The following PTPRF variants were observed in gnomAD, a reference collection of about 807,000 sequenced individuals.
PTPRF encodes the protein receptor-type tyrosine-protein phosphatase F.
PTPRF carries 59 observed loss-of-function variants against 201.8 expected under a neutral mutation model. That is an observed-to-expected ratio of 0.29 (90% CI 0.24 to 0.36). The LOEUF is 0.36. PTPRF is among the 10% of genes least tolerant of loss of function. PTPRF has a pLI of 1.00. For synonymous variants in PTPRF, 1,088 were observed against 1,089.7 expected, an observed-to-expected ratio of 1.00 and a Z score of 0.03; for missense variants, 2,132 against 2,690.5, an observed-to-expected ratio of 0.79 and a Z score of 4.59.
chr1:43,558,537 C>G (rs952156174), intron 5 of PTPRF, among the ~76,000 whole-genome samples: 2 of 152,186 alleles, frequency 1.3e-5, no homozygotes, highest in Non-Finnish European at 2.9e-5. Context: ...GTGAGCCTGT[C>G]CTGGCTGTGA....
In PTPRF at chr1:43,542,183, G is replaced by A. The variant is rs1177573877; in HGVS notation, c.-45-2848G>A. 6.6e-6 allele frequency among the ~76,000 whole-genome samples: 1 copy of A among 152,188 alleles called. No homozygotes were observed. The highest frequency in any genetic ancestry group is 6.5e-5 in the Admixed American group (1 of 15,284). ...CTGCTCTGATGAGGGAGGCCCTGGA[G>A]CTGGGAGTGGCCTGAACCGCCTGAC... On this transcript the variant is annotated intron_variant, in intron 2 of 33. Transcript: ENST00000359947. The surrounding 1 kb of genome is among the most constrained non-coding windows in gnomAD (Gnocchi z 5.2).
At chr1:43,613,781 C>T (rs1657067278) in intron 23 of PTPRF, 66 bp downstream of exon 23, 2 of 1,385,834 alleles carry the variant, frequency 1.4e-6, no homozygotes, top group Admixed American at 1.7e-5. Context: ...CCTGTCCTGT[C>T]CTAGGTCCCA....
Position 43,606,668 on chromosome 1 carries a change from C to T in PTPRF, c.3703-146C>T, listed in dbSNP as rs1655195374. The T allele has an allele frequency of 4.0e-6, 5 of 1,246,098 alleles. No homozygotes were observed. The African/African-American group carries it at 7.5e-5, about 19-fold the overall frequency. The allele number at this position is 1,246,098 out of a possible 1,614,324, so 77.2% of individuals were successfully genotyped here. A position where few individuals can be genotyped will look rare whatever the true frequency, so the allele number is the denominator to read the frequency against. ...CCAGACCTAATGTGGCTCCAGGGAC[C>T]CAGTCCTGCCAGGTCCACCTTGTAG... is the stretch of plus-strand genomic sequence containing the variant. On this transcript the variant is annotated intron_variant, in intron 20 of 33. Coordinates refer to ENST00000359947, the MANE Select transcript of PTPRF (RefSeq NM_002840.5).
rs1652069582 is a variant in PTPRF at position 43,595,636 on chromosome 1, G to T, written c.1814-2112G>T. ...GGTAACTGGTGGAGCCTTGGGAGGT[G>T]GAGAGAAGGGGAACAGTATGGGTGG... is the stretch of plus-strand genomic sequence containing the variant. On this transcript the variant is annotated intron_variant, in intron 11 of 33. Coordinates refer to ENST00000359947, the MANE Select transcript of PTPRF (RefSeq NM_002840.5). 1.3e-5 allele frequency among the ~76,000 whole-genome samples: 2 copies of T among 152,198 alleles called. 1 individual carries two copies. The highest frequency in any genetic ancestry group is 4.1e-4 in the South Asian group (2 of 4,828).
rs1658223865 is a variant in PTPRF at position 43,617,756 on chromosome 1, A to G, written c.4216A>G (p.Ile1406Val). ...SIDGVPGSDY[I>V]NANYIDGYRK... ...CATAGGCGTCCCCGGGAGTGACTAC[A>G]TCAATGCCAACTACATCGATGGCTA... Residue 1406 changes from isoleucine (I) to valine (V), a missense_variant, in exon 25 of 34, where the codon ATC (isoleucine) becomes GTC (valine). This residue lies in a region of PTPRF where 818 missense variants were observed against 915.3 expected (regional missense o/e 0.89). Transcript: ENST00000359947. 5.6e-6 allele frequency: 9 copies of G among 1,613,864 alleles called. No individual in the cohort carries two copies. The highest frequency in any genetic ancestry group is 3.3e-5 in the Admixed American group (2 of 60,002).
At chr1:43,558,174 A>G (rs927344428) in intron 5 of PTPRF, among the ~76,000 whole-genome samples, 4 of 152,072 alleles carry the variant, frequency 2.6e-5, no homozygotes, top group Admixed American at 2.0e-4. Flanking sequence ...GGGAAGTAAG[A>G]GTCCTTCCTG....
chr1:43,581,384 C>G (rs1647584428), intron 7 of PTPRF, among the ~76,000 whole-genome samples: 1 of 152,210 alleles, frequency 6.6e-6, no homozygotes, highest in African/African-American at 2.4e-5. Context: ...TCCTCTAGGC[C>G]CTGATGTCTC....
chr1:43,527,409 T>C (rs1165781395), upstream of PTPRF, among the ~76,000 whole-genome samples: 1 of 152,258 alleles, frequency 6.6e-6, no homozygotes, highest in Non-Finnish European at 1.5e-5. Flanking sequence ...TTCTCATCCA[T>C]GTGGCTTTGG....
At chr1:43,533,464 T>C (rs1482720188) in intron 1 of PTPRF, among the ~76,000 whole-genome samples, 1 of 152,138 alleles carries the variant, frequency 6.6e-6, no homozygotes, top group African/African-American at 2.4e-5. Context: ...TATGGGAGTC[T>C]AGCTTTGAGG....
chr1:43,621,441 G>C (rs7553986), intron 33 of PTPRF, among the ~76,000 whole-genome samples: 2 of 152,210 alleles, frequency 1.3e-5, no homozygotes. Context: ...TCAGAAGTTC[G>C]AGGCTGCAGT....
intron 2 of PTPRF, among the ~76,000 whole-genome samples, chr1:43,539,331 A>C (rs1376843710): frequency 6.6e-6 from 1 of 152,194 alleles, no homozygotes; most frequent in Non-Finnish European, 1.5e-5. Flanking sequence ...GCTGTCCCCA[A>C]GACTGGACAC....
At chr1:43,611,042 A>G (rs908305042) in intron 22 of PTPRF, among the ~76,000 whole-genome samples, 12 of 152,346 alleles carry the variant, frequency 7.9e-5, no homozygotes, top group African/African-American at 2.9e-4. Context: ...CAAGTTTGCC[A>G]ACCCCTGGAC....
intron 23 of PTPRF, among the ~76,000 whole-genome samples, chr1:43,615,400 T>G (rs976084946): frequency 6.6e-6 from 1 of 152,006 alleles, no homozygotes; most frequent in African/African-American, 2.4e-5. Context: ...TCGTGGGGCC[T>G]CTGTTCACAG....
intron 1 of PTPRF, among the ~76,000 whole-genome samples, chr1:43,531,727 C>A (rs2153947350): frequency 6.6e-6 from 1 of 152,106 alleles, no homozygotes; most frequent in Middle Eastern, 3.4e-3. Flanking sequence ...GGGCTGTACC[C>A]GCCCCCAACC....
At chr1:43,602,026 T>C in intron 13 of PTPRF, 45 bp from the exon 14 acceptor site, 1 of 1,595,798 alleles carries the variant, frequency 6.3e-7, no homozygotes, top group Non-Finnish European at 8.6e-7. Flanking sequence ...CAGGTCAGAG[T>C]CCTTCACCAT....
At chr1:43,589,859 G>T (rs1442794742) in intron 8 of PTPRF, among the ~76,000 whole-genome samples, 1 of 150,100 alleles carries the variant, frequency 6.7e-6, no homozygotes, top group Admixed American at 6.6e-5. Flanking sequence ...GACAGAGCGA[G>T]ACCCTATGAA....
intron 1 of PTPRF, among the ~76,000 whole-genome samples, chr1:43,532,930 TG>T (rs1488321766): frequency 2.0e-5 from 3 of 152,156 alleles, no homozygotes; most frequent in African/African-American, 7.2e-5. Context: ...CTCGCATACC[TG>T]GGCCCGCATG....
intron 7 of PTPRF, among the ~76,000 whole-genome samples, chr1:43,584,757 A>G (rs1380135896): frequency 6.6e-6 from 1 of 152,144 alleles, no homozygotes; most frequent in Non-Finnish European, 1.5e-5. Flanking sequence ...CGGCAGCCAC[A>G]AGGTTATTTA....
intron 5 of PTPRF, among the ~76,000 whole-genome samples, chr1:43,558,906 A>T (rs954748158): frequency 1.3e-5 from 2 of 152,206 alleles, no homozygotes; most frequent in Non-Finnish European, 1.5e-5. Flanking sequence ...GGGAAAGCCC[A>T]GGAGGCCGCC....
Sources: allele counts gnomAD v4.1 joint callset (sites outside exome capture counted in the v4.1 genomes callset), GRCh38; gene constraint gnomAD v4.1.1; regional missense constraint gnomAD v4.1.1; non-coding constraint Gnocchi (gnomAD v3.1); transcripts MANE v1.5; gene names NCBI Gene and HGNC (gene_info 2026-07-23, HGNC 2026-07-21).